The following LVRN variants were observed in gnomAD, a reference collection of about 807,000 sequenced individuals.
The protein encoded by LVRN is aminopeptidase Q.
Under a neutral mutation model 111.4 loss-of-function variants are expected in LVRN, and 99 were observed. The ratio of observed to expected loss-of-function variants is 0.89; its 90% confidence interval spans 0.76 to 1.05. LVRN has a LOEUF of 1.05. Among genes scored for constraint, LVRN ranks in the 50% least tolerant of loss-of-function variants. LVRN has a pLI of 0.00. For missense variants in LVRN, 1,414 were observed against 1,206.8 expected (o/e 1.17, Z -2.54); for synonymous variants, 488 against 449.5 (o/e 1.09, Z -1.08).
chr5:116,018,987 C>T (rs758141186), intron 18 of LVRN, among the ~76,000 whole-genome samples: 3 of 152,170 alleles, frequency 2.0e-5, no homozygotes, highest in South Asian at 2.1e-4. Context: ...TTTACAGTCA[C>T]GAGTTGATTA....
chr5:115,989,918 A>G (rs1337611841), intron 4 of LVRN, among the ~76,000 whole-genome samples: 1 of 152,288 alleles, frequency 6.6e-6, no homozygotes, highest in East Asian at 1.9e-4. Context: ...ACAACAAAAC[A>G]AAACAAAACA....
At chr5:115,997,875 T>G (rs941139669) in intron 6 of LVRN, among the ~76,000 whole-genome samples, 3 of 152,186 alleles carry the variant, frequency 2.0e-5, no homozygotes, top group Non-Finnish European at 4.4e-5. Flanking sequence ...AGGCCCAGAA[T>G]AGAAAGACCT....
intron 6 of LVRN, among the ~76,000 whole-genome samples, chr5:115,998,798 G>C (rs571837917): frequency 6.6e-6 from 1 of 152,176 alleles, no homozygotes; most frequent in Non-Finnish European, 1.5e-5. Context: ...GTTAAAATTT[G>C]AGATGTATTG....
Position 116,014,511 on chromosome 5 carries a change from G to C in LVRN, c.2434G>C (p.Asp812His), listed in dbSNP as rs752580040. 2.0e-5 allele frequency: 33 copies of C among 1,612,938 alleles called. No individual in the cohort carries two copies. The East Asian group carries it at 6.9e-4, about 34-fold the overall frequency. ...LSKELFAKWV[D>H]HPENEIPYPI... ...AAAAGAACTTTTCGCAAAATGGGTG[G>C]ATCATCCAGAAAATGAGTAAGAGTA... Residue 812 changes from aspartate (D) to histidine (H), a missense_variant, in exon 16 of 20, where the codon GAT becomes CAT. By Grantham distance (81) the Asp-to-His change is moderately conservative. Transcript: ENST00000357872.
chr5:115,980,018 A>G (rs1475413679), intron 1 of LVRN, among the ~76,000 whole-genome samples: 1 of 152,136 alleles, frequency 6.6e-6, no homozygotes, highest in Non-Finnish European at 1.5e-5. Flanking sequence ...CAGCACAAGA[A>G]AACAGTGAGT....
intron 1 of LVRN, among the ~76,000 whole-genome samples, chr5:115,963,966 T>C (rs548407858): frequency 6.6e-6 from 1 of 152,110 alleles, no homozygotes; most frequent in African/African-American, 2.4e-5. Context: ...CCCTCAAAGG[T>C]TGGTCCTTGG....
At chr5:116,016,551 G>T (rs1748605735) in intron 18 of LVRN, among the ~76,000 whole-genome samples, 1 of 152,198 alleles carries the variant, frequency 6.6e-6, no homozygotes, top group Admixed American at 6.5e-5. Flanking sequence ...TTACGAAGAT[G>T]GGGATGATAA....
chr5:116,015,539 T>G lies in LVRN; in HGVS notation c.2619-89T>G, dbSNP rs908937746. ...GTTGCGTATTTGTGCTTCACTACCT[T>G]AGAACCATGGGATTTTGATTTTGTT... On this transcript the variant is annotated intron_variant, in intron 17 of 19. Coordinates refer to ENST00000357872, the MANE Select transcript of LVRN (RefSeq NM_173800.5). 4 of 1,510,380 alleles carry G rather than the reference T, an allele frequency of 2.6e-6. No homozygotes were observed. In the African/African-American group the frequency reaches 5.6e-5, roughly 21 times the overall value. The allele number at this position is 1,510,380 out of a possible 1,614,324, so 93.6% of individuals were successfully genotyped here.
chr5:116,009,172 A>G (rs1177817882), intron 13 of LVRN, among the ~76,000 whole-genome samples: 2 of 152,176 alleles, frequency 1.3e-5, no homozygotes, highest in Non-Finnish European at 2.9e-5. Flanking sequence ...TGTGCTCTGT[A>G]AGTGGAAAAA....
At chr5:116,006,381 T>G (rs1270634129) in intron 13 of LVRN, among the ~76,000 whole-genome samples, 2 of 152,198 alleles carry the variant, frequency 1.3e-5, no homozygotes, top group Non-Finnish European at 2.9e-5. Flanking sequence ...TATCTAGTAT[T>G]TTTTCTCTTT....
chr5:116,002,709 A>G (rs1431556871), intron 10 of LVRN, 126 bp from the exon 11 acceptor site: 1 of 652,954 alleles, frequency 1.5e-6, no homozygotes, highest in Non-Finnish European at 2.5e-6. Flanking sequence ...AAAGGCCTGC[A>G]TATCTAGAGA....
rs1351471206 is a variant in LVRN, at chr5:116,026,152, T to C, written c.*34T>C. On this transcript the variant is annotated 3_prime_UTR_variant, in exon 20 of 20. Coordinates refer to ENST00000357872, the MANE Select transcript of LVRN (RefSeq NM_173800.5). ...TATCTTTCAGCACTCCTCTTGCATA[T>C]TATAATGTAGTTTGTTCACAGTTTT... The C allele has an allele frequency of 1.2e-6, 2 of 1,612,328 alleles. No homozygotes were observed. Among genetic ancestry groups the C allele is most frequent in the African/African-American group, 2.7e-5 (2 of 74,870 alleles).
At chr5:115,981,649 G>C (rs1341525977) in intron 1 of LVRN, among the ~76,000 whole-genome samples, 2 of 152,028 alleles carry the variant, frequency 1.3e-5, no homozygotes, top group African/African-American at 2.4e-5. Context: ...TCACCCTGTT[G>C]TGCTATTAAA....
At chr5:115,967,495 T>G (rs1429687955) in intron 1 of LVRN, among the ~76,000 whole-genome samples, 1 of 152,220 alleles carries the variant, frequency 6.6e-6, no homozygotes, top group Non-Finnish European at 1.5e-5. Flanking sequence ...TGTTGATTCC[T>G]GTGCCAGTAC....
At chr5:115,979,915 G>C (rs976920405) in intron 1 of LVRN, among the ~76,000 whole-genome samples, 1 of 152,186 alleles carries the variant, frequency 6.6e-6, no homozygotes, top group Non-Finnish European at 1.5e-5. Context: ...AGTGGATGTA[G>C]TAGATTTTTG....
chr5:116,010,650 C>A, intron 13 of LVRN, 91 bp from the exon 14 acceptor site: 3 of 1,304,812 alleles, frequency 2.3e-6, no homozygotes, highest in Non-Finnish European at 3.2e-6. Flanking sequence ...TTATTGAAGT[C>A]ATGCATTGAA....
Position 115,999,865 on chromosome 5 carries a change from A to T in LVRN, c.1478A>T (p.Glu493Val). 1 of 1,613,710 alleles carries T rather than the reference A, an allele frequency of 6.2e-7. No homozygotes were observed. The highest frequency in any genetic ancestry group is 8.5e-7 in the Non-Finnish European group (1 of 1,179,840). Reference sequence around the variant, plus strand: ...AAGGTGGAAAATTTCAAAACAAGTGAAATACAGGAACTCTTTGACATATTT... The same window carrying T: ...AAGGTGGAAAATTTCAAAACAAGTGTAATACAGGAACTCTTTGACATATTT... ...AMKVENFKTSEIQELFDIFTY... is the reference protein window; with the variant it reads ...AMKVENFKTSVIQELFDIFTY... Residue 493 changes from glutamate (E) to valine (V), a missense_variant, in exon 7 of 20, where the codon GAA becomes GTA. Coordinates refer to ENST00000357872, the MANE Select transcript of LVRN (RefSeq NM_173800.5).
chr5:115,999,744 C>T lies in LVRN; in HGVS notation c.1375-18C>T, dbSNP rs757090997. 5 of 1,611,840 alleles carry T rather than the reference C, an allele frequency of 3.1e-6. No individual in the cohort carries two copies. The highest frequency in any genetic ancestry group is 1.1e-5 in the South Asian group (1 of 90,662). ...TGACACCTCAGGAGTTAATGTGCCT[C>T]CATCTTTTCCTTTATAGAATGAGAT... On this transcript the variant is annotated intron_variant, in intron 6 of 19. Transcript: ENST00000357872.
chr5:115,980,439 T>G, intron 1 of LVRN, among the ~76,000 whole-genome samples: 1 of 152,122 alleles, frequency 6.6e-6, no homozygotes, highest in East Asian at 1.9e-4. Context: ...ATAGTTGAAT[T>G]AAATTTGAGA....
Sources: allele counts gnomAD v4.1 joint callset (sites outside exome capture counted in the v4.1 genomes callset), GRCh38; gene constraint gnomAD v4.1.1; transcripts MANE v1.5; gene names NCBI Gene and HGNC (gene_info 2026-07-23, HGNC 2026-07-21).